Variants in MLXIP observed in about 807,000 individuals in gnomAD.
MLXIP encodes MLX-interacting protein.
A neutral mutation model predicts 87.2 loss-of-function variants in MLXIP; 30 were observed. The observed-to-expected ratio is 0.34, with a 90% CI of 0.26 to 0.47. The LOEUF is 0.47. MLXIP is among the 20% of genes least tolerant of loss of function. MLXIP has a pLI of 1.00. For missense variants in MLXIP, 1,002 were observed against 1,240.1 expected (o/e 0.81, Z 2.88); for synonymous variants, 530 against 514.0 (o/e 1.03, Z -0.42).
chr12:122,124,450 T>C (rs1230933030), intron 1 of MLXIP, among the ~76,000 whole-genome samples: 3 of 110,382 alleles, frequency 2.7e-5, no homozygotes, highest in African/African-American at 1.0e-4. Flanking sequence ...TCCCCCGCCC[T>C]CAGTCCTCGG....
chr12:122,089,389 A>T lies in MLXIP; in HGVS notation c.413+10123A>T, dbSNP rs555556171. On this transcript the variant is annotated intron_variant, in intron 1 of 16. Coordinates refer to ENST00000319080, the MANE Select transcript of MLXIP (RefSeq NM_014938.6). ...AAGGAAACGCTTTCAATGCATTCTT[A>T]AAACAGTATATAATTATCCTAGCTT... Among the ~76,000 whole-genome samples, 8 of 152,350 alleles carry T rather than the reference A, an allele frequency of 5.3e-5. No homozygotes were observed. The South Asian group carries it at 1.4e-3, about 28-fold the overall frequency.
chr12:122,080,566 A>T (rs1375774307), intron 1 of MLXIP, among the ~76,000 whole-genome samples: 2 of 152,148 alleles, frequency 1.3e-5, no homozygotes. Flanking sequence ...TGTTCCTGAA[A>T]CACCCCTATT....
rs1952949499 is a variant in MLXIP at position 122,130,028 on chromosome 12, A to G, written c.826A>G (p.Met276Val). 6.2e-7 allele frequency: 1 copy of G among 1,613,910 alleles called. No homozygotes were observed. Among genetic ancestry groups the G allele is most frequent in the Non-Finnish European group, 8.5e-7 (1 of 1,179,898 alleles). The change falls in exon 6 of 17, where the codon ATG (methionine) becomes GTG (valine). Residue 276 changes from methionine to valine, a missense_variant. Transcript: ENST00000319080. ...GGAGGATCCCCTGCTGGACACAGAC[A>G]TGCTCATGTCGGAATTCAGCGACAC... ...MEEDPLLDTDMLMSEFSDTLF... is the reference protein window; with the variant it reads ...MEEDPLLDTDVLMSEFSDTLF...
intron 1 of MLXIP, among the ~76,000 whole-genome samples, chr12:122,110,841 G>A (rs1356618598): frequency 2.0e-5 from 3 of 151,974 alleles, no homozygotes; most frequent in African/African-American, 7.2e-5. Context: ...ACTTTGGGAG[G>A]CCAAGGTGGG....
At chr12:122,115,242 C>T (rs1565973426) in intron 1 of MLXIP, among the ~76,000 whole-genome samples, 1 of 151,880 alleles carries the variant, frequency 6.6e-6, no homozygotes, top group African/African-American at 2.4e-5. Flanking sequence ...AAAACTAAAT[C>T]TCTGAACGGG....
At position 122,141,967 on chromosome 12, in the gene MLXIP, C is replaced by A; in HGVS notation, c.*155C>A. ...TGGCATCGGGAGGCCATGCTCAGGT[C>A]TGAAGCAGGTTTGGGGCCTGCTGAC... On this transcript the variant is annotated 3_prime_UTR_variant, in exon 17 of 17. Transcript: ENST00000319080. 1 of 1,207,708 alleles carries A rather than the reference C, an allele frequency of 8.3e-7. No homozygotes were observed. The highest frequency in any genetic ancestry group is 1.1e-6 in the Non-Finnish European group (1 of 874,098). The allele number at this position is 1,207,708 out of a possible 1,614,324, so 74.8% of individuals were successfully genotyped here.
At chr12:122,132,723 C>A (rs568972040) in intron 8 of MLXIP, 1 of 243,996 alleles carries the variant, frequency 4.1e-6, no homozygotes, top group South Asian at 8.9e-5. Flanking sequence ...CTGTATATTT[C>A]TTTCACGTTT....
chr12:122,111,190 G>T (rs1299572475), intron 1 of MLXIP, among the ~76,000 whole-genome samples: 1 of 152,252 alleles, frequency 6.6e-6, no homozygotes, highest in African/African-American at 2.4e-5. Context: ...AGTAGGCTGT[G>T]TAGCTGGCAG....
At position 122,137,710 on chromosome 12, in the gene MLXIP, T is replaced by G. The variant is rs1053160991; in HGVS notation, c.2154+120T>G. On this transcript the variant is annotated intron_variant, in intron 12 of 16. Coordinates refer to ENST00000319080, the MANE Select transcript of MLXIP (RefSeq NM_014938.6). This position sits in a 1 kb window ranked among gnomAD's most constrained non-coding sequence, Gnocchi z 4.1. ...CCAGCCAGAGCTGCCCAGGCAGGGG[T>G]GGATCAGAAATGGGCTTCTCCTTGC... 6.8e-7 allele frequency: 1 copy of G among 1,478,584 alleles called. No homozygotes were observed. Among genetic ancestry groups the G allele is most frequent in the African/African-American group, 1.4e-5 (1 of 71,088 alleles). The allele number at this position is 1,478,584 out of a possible 1,614,324, so 91.6% of individuals were successfully genotyped here.
chr12:122,102,397 C>T (rs1237064966), intron 1 of MLXIP, among the ~76,000 whole-genome samples: 1 of 152,152 alleles, frequency 6.6e-6, no homozygotes, highest in Non-Finnish European at 1.5e-5. Flanking sequence ...GAGGCTACTT[C>T]ACAGCATTAG....
chr12:122,135,140 T>G lies in MLXIP; in HGVS notation c.1733-84T>G, dbSNP rs1469340580. The G allele has an allele frequency of 1.9e-6, 3 of 1,540,262 alleles. No homozygotes were observed. Among genetic ancestry groups the G allele is most frequent in the Non-Finnish European group, 2.7e-6 (3 of 1,131,806 alleles). Reference sequence around the variant, plus strand: ...CCCCTGGGGTTGAGAACAAGCTGTCTCACTGGCAGAGAGGCAGCCTCTGCA... The same window carrying G: ...CCCCTGGGGTTGAGAACAAGCTGTCGCACTGGCAGAGAGGCAGCCTCTGCA... On this transcript the variant is annotated intron_variant, in intron 9 of 16. Coordinates refer to ENST00000319080, the MANE Select transcript of MLXIP (RefSeq NM_014938.6). This position sits in a 1 kb window ranked among gnomAD's most constrained non-coding sequence, Gnocchi z 5.3.
At chr12:122,138,976 A>G (rs763493617) in intron 15 of MLXIP, 38 bp downstream of exon 15, 1 of 1,611,672 alleles carries the variant, frequency 6.2e-7, no homozygotes. Context: ...CCCGGCCCTC[A>G]GCCAATGCAC....
Position 122,144,265 on chromosome 12 carries a change from A to G in MLXIP, c.*2453A>G, listed in dbSNP as rs1159472247. The G allele has an allele frequency of 1.3e-5, 2 of 152,424 alleles. No individual in the cohort carries two copies. The highest frequency in any genetic ancestry group is 6.6e-5 in the Admixed American group (1 of 15,262). 9.4% of individuals were successfully genotyped at this position (152,424 alleles called of 1,614,324 possible). On this transcript the variant is annotated 3_prime_UTR_variant, in exon 17 of 17. Transcript: ENST00000319080. ...CCACTTTCATAAAAGAAACTTCAAA[A>G]TGCTGACGCTTTGGAGAGTAAGAAA...
rs1055939350 is a variant in MLXIP, at chr12:122,135,724, C to T, written c.2032+58C>T. On this transcript the variant is annotated intron_variant, in intron 11 of 16. Coordinates refer to ENST00000319080, the MANE Select transcript of MLXIP (RefSeq NM_014938.6). The surrounding 1 kb of genome is among the most constrained non-coding windows in gnomAD (Gnocchi z 5.3). ...TCGCAAGGGAAGTAACTGGGCCTGCCGTAGACCATGGGGGGTGCTTGCTGG... is the reference window on the plus strand; with the variant it reads ...TCGCAAGGGAAGTAACTGGGCCTGCTGTAGACCATGGGGGGTGCTTGCTGG... The T allele has an allele frequency of 3.1e-5, 45 of 1,443,220 alleles. 1 individual carries two copies. In the Admixed American group the frequency reaches 3.3e-4, roughly 11 times the overall value. 89.4% of individuals were successfully genotyped at this position (1,443,220 alleles called of 1,614,324 possible).
At chr12:122,097,031 G>A (rs1450101124) in intron 1 of MLXIP, among the ~76,000 whole-genome samples, 1 of 152,218 alleles carries the variant, frequency 6.6e-6, no homozygotes, top group African/African-American at 2.4e-5. Flanking sequence ...CGGAGATGCC[G>A]CTGTCTGGCT....
Position 122,078,787 on chromosome 12 carries a change from C to T in MLXIP, c.-67C>T, listed in dbSNP as rs950140059. The T allele has an allele frequency of 2.1e-5, 21 of 1,023,134 alleles. No homozygotes were observed. Among genetic ancestry groups the T allele is most frequent in the Middle Eastern group, 4.7e-4 (1 of 2,114 alleles). 63.4% of individuals were successfully genotyped at this position (1,023,134 alleles called of 1,614,324 possible). ...CGCGCGGGCCGGGCCGGGCCGGCGC[C>T]CCTCTGCCTCGCGCGCTTGTCGCGT... On this transcript the variant is annotated 5_prime_UTR_variant, in exon 1 of 17. Coordinates refer to ENST00000319080, the MANE Select transcript of MLXIP (RefSeq NM_014938.6).
rs1360448124 is a variant in MLXIP at position 122,146,596 on chromosome 12, G to A, written c.*4784G>A. 3 of 150,982 alleles carry A rather than the reference G, an allele frequency of 2.0e-5. No homozygotes were observed. The highest frequency in any genetic ancestry group is 4.4e-5 in the Non-Finnish European group (3 of 67,812). The allele number at this position is 150,982 out of a possible 1,614,324, so 9.4% of individuals were successfully genotyped here. On this transcript the variant is annotated 3_prime_UTR_variant, in exon 17 of 17. Coordinates refer to ENST00000319080, the MANE Select transcript of MLXIP (RefSeq NM_014938.6). Reference sequence around the variant, plus strand: ...CGAGAAAGAAAAGGGAACTCTTCACGTTGAATGTTGACTTTGTGTGTATGC... The same window carrying A: ...CGAGAAAGAAAAGGGAACTCTTCACATTGAATGTTGACTTTGTGTGTATGC...
At chr12:122,116,420 AT>A (rs1198351194) in intron 1 of MLXIP, among the ~76,000 whole-genome samples, 1 of 152,216 alleles carries the variant, frequency 6.6e-6, no homozygotes, top group Non-Finnish European at 1.5e-5. Flanking sequence ...CTCAGAAAAT[AT>A]GGGGCACATG....
intron 1 of MLXIP, among the ~76,000 whole-genome samples, chr12:122,116,382 A>G (rs2135950659): frequency 6.6e-6 from 1 of 152,278 alleles, no homozygotes; most frequent in Middle Eastern, 3.4e-3. Flanking sequence ...GTTGGTTTTT[A>G]GAAAAGGCAA....
Sources: allele counts gnomAD v4.1 joint callset (sites outside exome capture counted in the v4.1 genomes callset), GRCh38; gene constraint gnomAD v4.1.1; non-coding constraint Gnocchi (gnomAD v3.1); transcripts MANE v1.5; gene names NCBI Gene and HGNC (gene_info 2026-07-23, HGNC 2026-07-21).